Variants in ZNF804B observed in about 807,000 individuals in gnomAD.
ZNF804B encodes the protein zinc finger protein 804B.
In ZNF804B, 80 loss-of-function variants were observed where a neutral mutation model predicts 101.4. The observed-to-expected ratio is 0.79, with a 90% CI of 0.66 to 0.95. ZNF804B has a LOEUF of 0.95. Ranked by LOEUF, ZNF804B falls within the 40% of genes least tolerant of loss-of-function variation. The pLI is 0.00. For synonymous variants in ZNF804B, 622 were observed against 558.8 expected, an observed-to-expected ratio of 1.11 and a Z score of -1.59; for missense variants, 1,673 against 1,561.9, an observed-to-expected ratio of 1.07 and a Z score of -1.20.
Position 89,327,444 on chromosome 7 carries a change from A to AG in ZNF804B, c.351dup (p.Leu118AlafsTer3). 6.2e-7 allele frequency: 1 copy of AG among 1,611,488 alleles called. No homozygotes were observed. Among genetic ancestry groups the AG allele is most frequent in the Non-Finnish European group, 8.5e-7 (1 of 1,178,528 alleles). ...GAAAAAGCACTTAAACGACTTCATC[A>AG]GCTGGCTGAGTTAAGGCAGCAATCT... On this transcript the variant is annotated frameshift_variant, in exon 3 of 4. Transcript: ENST00000333190. LOFTEE classifies it high-confidence loss of function.
chr7:89,058,229 G>A (rs1789325903), intron 1 of ZNF804B, among the ~76,000 whole-genome samples: 1 of 152,040 alleles, frequency 6.6e-6, no homozygotes, highest in Admixed American at 6.6e-5. Flanking sequence ...GAAATATGGG[G>A]ATATTTTGAA....
chr7:88,847,438 T>C (rs1339358389), intron 1 of ZNF804B, among the ~76,000 whole-genome samples: 1 of 152,124 alleles, frequency 6.6e-6, no homozygotes, highest in African/African-American at 2.4e-5. Flanking sequence ...TTTCTTTAGC[T>C]ACTAATTTTT....
intron 1 of ZNF804B, among the ~76,000 whole-genome samples, chr7:88,992,887 G>A (rs1319511201): frequency 6.6e-6 from 1 of 151,854 alleles, no homozygotes; most frequent in Non-Finnish European, 1.5e-5. Flanking sequence ...GTCCTTCTCA[G>A]AGTTCACAGT....
chr7:89,156,024 CTTT>C (rs1562899673), intron 1 of ZNF804B, among the ~76,000 whole-genome samples: 527 of 30,626 alleles, frequency 0.017, 5 homozygotes, highest in East Asian at 0.049. Flanking sequence ...TCTTTCCTTT[CTTT>C]CTTTCTTTCT....
At chr7:89,233,009 C>T (rs1282033558) in intron 2 of ZNF804B, among the ~76,000 whole-genome samples, 5 of 152,180 alleles carry the variant, frequency 3.3e-5, no homozygotes, top group African/African-American at 1.2e-4. Context: ...GCAAGCTCCG[C>T]CTCCCGGGTT....
intron 2 of ZNF804B, among the ~76,000 whole-genome samples, chr7:89,249,638 T>A (rs1242068488): frequency 6.6e-6 from 1 of 152,112 alleles, no homozygotes. Flanking sequence ...GCAAAAGCAG[T>A]ATTAAGAGGG....
chr7:88,951,199 CTA>C (rs1793212167), intron 1 of ZNF804B, among the ~76,000 whole-genome samples: 1 of 151,842 alleles, frequency 6.6e-6, no homozygotes, highest in Admixed American at 6.6e-5. Flanking sequence ...TGCTTCTTTT[CTA>C]TGTTAGTGCT....
intron 1 of ZNF804B, among the ~76,000 whole-genome samples, chr7:88,886,268 T>C: frequency 6.6e-6 from 1 of 152,008 alleles, no homozygotes; most frequent in Admixed American, 6.6e-5. Flanking sequence ...TGCATGGATG[T>C]ATATTTGTAG....
Position 89,162,322 on chromosome 7 carries a change from G to GA in ZNF804B, c.109-55829dup, listed in dbSNP as rs1334265177. On this transcript the variant is annotated intron_variant, in intron 1 of 3. Transcript: ENST00000333190. Reference sequence around the variant, plus strand: ...ATACAAAACTTTAAATATTGGGATTGAAAATGACTATGAAGATACCATCTA... The same window carrying GA: ...ATACAAAACTTTAAATATTGGGATTGAAAAATGACTATGAAGATACCATCTA... Among the ~76,000 whole-genome samples the GA allele has an allele frequency of 2.0e-5, 3 of 152,084 alleles. No individual in the cohort carries two copies. In the East Asian group the frequency reaches 5.8e-4, roughly 29 times the overall value.
chr7:89,159,082 G>GTA (rs1317003834), intron 1 of ZNF804B, among the ~76,000 whole-genome samples: 1 of 152,108 alleles, frequency 6.6e-6, no homozygotes, highest in Non-Finnish European at 1.5e-5. Context: ...AGGCTCCCTA[G>GTA]TACCTTGAGA....
intron 1 of ZNF804B, among the ~76,000 whole-genome samples, chr7:89,180,882 A>G (rs935496695): frequency 4.8e-5 from 7 of 147,066 alleles, no homozygotes; most frequent in African/African-American, 1.5e-4. Context: ...TATTTAGGAC[A>G]CCAGAGTGCT....
rs149437514 is a variant in ZNF804B at position 88,944,856 on chromosome 7, A to G, written c.108+184772A>G. On this transcript the variant is annotated intron_variant, in intron 1 of 3. Coordinates refer to ENST00000333190, the MANE Select transcript of ZNF804B (RefSeq NM_181646.5). Reference sequence around the variant, plus strand: ...TAGTACTTAACACAAAATTTGTTTCATGCACGAAAGTATTAAATATATTGT... The same window carrying G: ...TAGTACTTAACACAAAATTTGTTTCGTGCACGAAAGTATTAAATATATTGT... 7.2e-3 allele frequency among the ~76,000 whole-genome samples: 1,099 copies of G among 152,064 alleles called. 5 individuals are homozygous for G. Among genetic ancestry groups the G allele is most frequent in the Non-Finnish European group, 0.012 (846 of 67,902 alleles).
At chr7:89,136,297 A>G (rs939896898) in intron 1 of ZNF804B, among the ~76,000 whole-genome samples, 1 of 152,090 alleles carries the variant, frequency 6.6e-6, no homozygotes, top group Non-Finnish European at 1.5e-5. Flanking sequence ...TATTCAGGTA[A>G]GAATGCTATT....
At chr7:89,304,836 C>A (rs973059323) in intron 2 of ZNF804B, among the ~76,000 whole-genome samples, 1 of 151,820 alleles carries the variant, frequency 6.6e-6, no homozygotes, top group Admixed American at 6.6e-5. Flanking sequence ...TGGCAAAAGA[C>A]GGTCTTAATC....
intron 1 of ZNF804B, among the ~76,000 whole-genome samples, chr7:88,850,090 T>G (rs930273902): frequency 6.6e-6 from 1 of 152,174 alleles, no homozygotes; most frequent in Non-Finnish European, 1.5e-5. Flanking sequence ...TATCTTCCTA[T>G]TTGAAATAAG....
intron 1 of ZNF804B, among the ~76,000 whole-genome samples, chr7:89,068,879 TA>T (rs1789494840): frequency 1.3e-5 from 2 of 152,182 alleles, no homozygotes; most frequent in Admixed American, 6.5e-5. Context: ...TGGGTCTCCC[TA>T]AGCCTGTTTT....
chr7:88,875,195 C>G (rs1375830620), intron 1 of ZNF804B, among the ~76,000 whole-genome samples: 1 of 144,330 alleles, frequency 6.9e-6, no homozygotes, highest in Admixed American at 7.0e-5. Flanking sequence ...TAAATGCCCA[C>G]AAGAGAAAGC....
chr7:89,335,154 T>C lies in ZNF804B; in HGVS notation c.2172T>C (p.Ser724=). 1 of 1,613,900 alleles carries C rather than the reference T, an allele frequency of 6.2e-7. No individual in the cohort carries two copies. The highest frequency in any genetic ancestry group is 8.5e-7 in the Non-Finnish European group (1 of 1,179,924). Residue 724 remains serine, a synonymous_variant, in exon 4 of 4, where the codon AGT becomes AGC. Coordinates refer to ENST00000333190, the MANE Select transcript of ZNF804B (RefSeq NM_181646.5). ...TSPSSMSSLR[S]TCSSHRFNGN... Reference sequence around the variant, plus strand: ...CTAGCAGCATGTCTAGCTTGAGAAGTACTTGTTCAAGTCATAGATTCAATG... The same window carrying C: ...CTAGCAGCATGTCTAGCTTGAGAAGCACTTGTTCAAGTCATAGATTCAATG...
At chr7:89,218,083 CTT>C in intron 1 of ZNF804B, 70 bp from the exon 2 acceptor site, 1 of 1,452,726 alleles carries the variant, frequency 6.9e-7, no homozygotes, top group Non-Finnish European at 9.4e-7. Flanking sequence ...TAAATACCAC[CTT>C]GATTAATACG....
Sources: gnomAD v4.1 joint callset for allele counts (sites outside exome capture counted in the v4.1 genomes callset) on GRCh38, gnomAD v4.1.1 for gene constraint, MANE v1.5 for transcripts, NCBI Gene and HGNC (gene_info 2026-07-23, HGNC 2026-07-21) for gene names.